Variants in SLC16A4 observed in about 807,000 individuals in gnomAD.
SLC16A4 encodes the protein solute carrier family 16 member 4, also known as probable monocarboxylate transporter 5.
A neutral mutation model predicts 47.9 loss-of-function variants in SLC16A4; 39 were observed. The ratio of observed to expected loss-of-function variants is 0.81; its 90% CI spans 0.63 to 1.06. SLC16A4 has a LOEUF of 1.06. Among genes scored for constraint, SLC16A4 ranks in the 50% least tolerant of loss-of-function variants. SLC16A4 has a pLI of 0.00. For synonymous variants in SLC16A4, 189 were observed against 199.9 expected (o/e 0.95, Z 0.46); for missense variants, 524 against 573.8 (o/e 0.91, Z 0.89).
intron 8 of SLC16A4, chr1:110,370,369 C>T (rs558307058): frequency 1.3e-5 from 2 of 152,098 alleles, no homozygotes; most frequent in East Asian, 1.9e-4. Context: ...TAGAGAAATT[C>T]GCAATTGATA....
intron 2 of SLC16A4, among the ~76,000 whole-genome samples, chr1:110,385,786 A>G (rs754671485): frequency 1.3e-5 from 2 of 152,248 alleles, no homozygotes; most frequent in Non-Finnish European, 2.9e-5. Flanking sequence ...GAAGAGTGCT[A>G]TAAACGCCAG....
intron 8 of SLC16A4, among the ~76,000 whole-genome samples, chr1:110,368,664 C>T (rs1451850303): frequency 6.6e-6 from 1 of 152,066 alleles, no homozygotes; most frequent in African/African-American, 2.4e-5. Flanking sequence ...GTAATGTTTC[C>T]TGTGATAATT....
At chr1:110,377,276 A>C in intron 6 of SLC16A4, 115 bp from the exon 7 acceptor site, 1 of 800,006 alleles carries the variant, frequency 1.2e-6, no homozygotes, top group Non-Finnish European at 2.0e-6. Flanking sequence ...ATGTGAGGAA[A>C]AAAATGATTT....
chr1:110,383,044 T>A (rs1662508881), intron 2 of SLC16A4, 78 bp from the exon 3 acceptor site: 2 of 1,340,242 alleles, frequency 1.5e-6, no homozygotes, highest in African/African-American at 2.9e-5. Context: ...CTAGAAGTTA[T>A]GATTCCCTCA....
In SLC16A4 at chr1:110,363,694, G is replaced by T; in HGVS notation, c.*72C>A. 1 of 1,383,082 alleles carries T rather than the reference G, an allele frequency of 7.2e-7. No homozygotes were observed. The highest frequency in any genetic ancestry group is 9.7e-7 in the Non-Finnish European group (1 of 1,033,592). The allele number at this position is 1,383,082 out of a possible 1,614,324, so 85.7% of individuals were successfully genotyped here. A position where few individuals can be genotyped will look rare whatever the true frequency, so the allele number is the denominator to read the frequency against. On this transcript the variant is annotated 3_prime_UTR_variant, in exon 9 of 9. Coordinates refer to ENST00000369779, the MANE Select transcript of SLC16A4 (RefSeq NM_004696.3). ...TGTAGATGCGATGTGTTTCTTTCAA[G>T]CTTTTGTTTCCAATGACATTAGTTT...
In SLC16A4 at chr1:110,377,149, G is replaced by C. The variant is rs141013255; in HGVS notation, c.1043C>G (p.Thr348Arg). 8.1e-6 allele frequency: 13 copies of C among 1,613,514 alleles called. No individual in the cohort carries two copies. In the South Asian group the frequency reaches 1.3e-4, roughly 16 times the overall value. ...YLVSVAGILE[T>R]VSQIISGWVA... ...CCATCCAGAAATAATCTGACTGACCGTCTCAAGGATACCTGGAACAATATT... is the reference window on the plus strand; with the variant it reads ...CCATCCAGAAATAATCTGACTGACCCTCTCAAGGATACCTGGAACAATATT... The change falls in exon 7 of 9, where the codon ACG (threonine) becomes AGG (arginine). Residue 348 changes from threonine (T) to arginine (R), a missense_variant. Coordinates refer to ENST00000369779, the MANE Select transcript of SLC16A4 (RefSeq NM_004696.3).
chr1:110,388,547 C>T (rs1005277953), intron 2 of SLC16A4, among the ~76,000 whole-genome samples: 1 of 152,148 alleles, frequency 6.6e-6, no homozygotes, highest in Non-Finnish European at 1.5e-5. Context: ...GGAGATCACC[C>T]CCAGAGCACT....
At chr1:110,386,894 G>A (rs750561622) in intron 2 of SLC16A4, among the ~76,000 whole-genome samples, 39 of 152,124 alleles carry the variant, frequency 2.6e-4, no homozygotes, top group Non-Finnish European at 4.0e-4. Flanking sequence ...CTCTTATCAA[G>A]GTTATTAGAT....
At chr1:110,378,653 TA>T (rs1449353350) in intron 6 of SLC16A4, among the ~76,000 whole-genome samples, 199 bp downstream of exon 6, 2 of 152,220 alleles carry the variant, frequency 1.3e-5, no homozygotes, top group African/African-American at 4.8e-5. Flanking sequence ...CACTGTCTAG[TA>T]GGGGAGCCTG....
chr1:110,364,906 T>C (rs1202800685), intron 8 of SLC16A4, among the ~76,000 whole-genome samples: 2 of 152,052 alleles, frequency 1.3e-5, no homozygotes, highest in Non-Finnish European at 2.9e-5. Flanking sequence ...TTTTTCTTTT[T>C]TTTTTTTAAC....
chr1:110,374,588 T>C lies in SLC16A4; in HGVS notation c.1336+870A>G, dbSNP rs149589435. Reference sequence around the variant, plus strand: ...TAGGTCTGTTCCCTAGAAATACTTCTGTGTGAGTATTCAAGTTTGTAATAG... The same window carrying C: ...TAGGTCTGTTCCCTAGAAATACTTCCGTGTGAGTATTCAAGTTTGTAATAG... On this transcript the variant is annotated intron_variant, in intron 8 of 8. Coordinates refer to ENST00000369779, the MANE Select transcript of SLC16A4 (RefSeq NM_004696.3). Among the ~76,000 whole-genome samples, 604 of 152,368 alleles carry C rather than the reference T, an allele frequency of 4.0e-3. 9 individuals carry two copies. The highest frequency in any genetic ancestry group is 0.014 in the African/African-American group (572 of 41,588).
At chr1:110,365,254 C>A (rs984752682) in intron 8 of SLC16A4, among the ~76,000 whole-genome samples, 1 of 151,944 alleles carries the variant, frequency 6.6e-6, no homozygotes, top group East Asian at 1.9e-4. Flanking sequence ...TCCCTTCTAT[C>A]TTAGATCATG....
At position 110,363,805 on chromosome 1, in the gene SLC16A4, A is replaced by C. The variant is rs1237594522; in HGVS notation, c.1425T>G (p.Phe475Leu). The change falls in exon 9 of 9, where the codon TTT (phenylalanine) becomes TTG (leucine). Residue 475 changes from phenylalanine to leucine, a missense_variant. Physicochemically the swap from Phe to Leu is conservative, Grantham distance 22. Transcript: ENST00000369779. ...CYLLSSVSFFFVPLAERWKNS... is the reference protein window; with the variant it reads ...CYLLSSVSFFLVPLAERWKNS... ...TTTTCCATCTTTCGGCCAATGGTAC[A>C]AAAAAAAAGGAAACTGAAGAGAGGA... The C allele has an allele frequency of 1.3e-6, 2 of 1,568,584 alleles. No individual in the cohort carries two copies. The highest frequency in any genetic ancestry group is 1.4e-5 in the African/African-American group (1 of 73,262).
intron 8 of SLC16A4, chr1:110,370,668 A>C (rs1233113655): frequency 2.0e-5 from 3 of 152,310 alleles, no homozygotes; most frequent in Admixed American, 1.3e-4. Context: ...AATAATAGAG[A>C]GAGACATACT....
chr1:110,375,699 T>C, intron 7 of SLC16A4, 148 bp from the exon 8 acceptor site: 4 of 545,294 alleles, frequency 7.3e-6, no homozygotes, highest in Non-Finnish European at 1.3e-5. Flanking sequence ...CCCCCAATAT[T>C]GTGAAAGAGC....
At position 110,381,009 on chromosome 1, in the gene SLC16A4, A is replaced by G; in HGVS notation, c.499T>C (p.Phe167Leu). ...LTFLLAPFTK[F>L]LIDLYDWTGA... ...GTCCAGTCATACAGATCTATCAGGA[A>G]TTTTGTAAAGGGTGCCAAAAGAAAA... Residue 167 changes from phenylalanine to leucine, a missense_variant, in exon 5 of 9, where the codon TTC becomes CTC. Phe to Leu is a conservative substitution (Grantham distance 22). Transcript: ENST00000369779. The G allele has an allele frequency of 6.2e-7, 1 of 1,614,164 alleles. No individual in the cohort carries two copies. Among genetic ancestry groups the G allele is most frequent in the Non-Finnish European group, 8.5e-7 (1 of 1,180,008 alleles).
chr1:110,386,088 C>A (rs1396272866), intron 2 of SLC16A4, among the ~76,000 whole-genome samples: 1 of 152,214 alleles, frequency 6.6e-6, no homozygotes, highest in Non-Finnish European at 1.5e-5. Context: ...ATATTCTTAG[C>A]TACCTAAATT....
At chr1:110,373,114 G>A (rs1251292481) in intron 8 of SLC16A4, 1 of 151,666 alleles carries the variant, frequency 6.6e-6, no homozygotes, top group Non-Finnish European at 1.5e-5. Flanking sequence ...TTCAGGTAAT[G>A]GTCTTCAGAA....
intron 7 of SLC16A4, among the ~76,000 whole-genome samples, chr1:110,376,577 T>C (rs934928722): frequency 6.6e-6 from 1 of 152,180 alleles, no homozygotes; most frequent in Non-Finnish European, 1.5e-5. Context: ...GGGAAATCCT[T>C]TTTTCTCTTG....
Sources: allele counts gnomAD v4.1 joint callset (sites outside exome capture counted in the v4.1 genomes callset), GRCh38; gene constraint gnomAD v4.1.1; transcripts MANE v1.5; gene names NCBI Gene and HGNC (gene_info 2026-07-23, HGNC 2026-07-21).